The following RABGAP1L variants were observed in gnomAD, a reference collection of about 807,000 sequenced individuals.
The protein encoded by RABGAP1L is rab GTPase-activating protein 1-like.
RABGAP1L carries 63 observed loss-of-function variants against 137.7 expected under a neutral mutation model. The ratio of observed to expected loss-of-function variants is 0.46; its 90% confidence interval spans 0.37 to 0.56. The LOEUF is 0.56. Among genes scored for constraint, RABGAP1L ranks in the 20% least tolerant of loss-of-function variants. The probability of loss-of-function intolerance (pLI) is 0.00; values close to 1 mark genes in which losing one functional copy is unlikely to be tolerated. For missense variants in RABGAP1L, 1,095 were observed against 1,244.0 expected, an observed-to-expected ratio of 0.88 and a Z score of 1.80; for synonymous variants, 431 against 433.7, an observed-to-expected ratio of 0.99 and a Z score of 0.08.
chr1:174,646,156 G>T (rs963033103), intron 14 of RABGAP1L, among the ~76,000 whole-genome samples: 1 of 152,066 alleles, frequency 6.6e-6, no homozygotes, highest in Non-Finnish European at 1.5e-5. Flanking sequence ...CTCCCATTCT[G>T]TAGGTTACCT....
intron 17 of RABGAP1L, among the ~76,000 whole-genome samples, chr1:174,714,856 G>A (rs1459090159): frequency 2.0e-5 from 3 of 152,040 alleles, no homozygotes; most frequent in African/African-American, 4.8e-5. Context: ...AGTATTTCTA[G>A]TGTGTGTGTA....
chr1:174,960,535 A>G (rs1668995837), intron 20 of RABGAP1L, among the ~76,000 whole-genome samples: 1 of 152,200 alleles, frequency 6.6e-6, no homozygotes, highest in Non-Finnish European at 1.5e-5. Flanking sequence ...AATCTTCTGG[A>G]ATTAGGAAGT....
intron 13 of RABGAP1L, among the ~76,000 whole-genome samples, chr1:174,407,963 A>T (rs149557906): frequency 6.6e-6 from 1 of 152,206 alleles, no homozygotes; most frequent in South Asian, 2.1e-4. Flanking sequence ...CACTCACCAC[A>T]ATAGCAACCC....
At chr1:174,945,993 A>G (rs1218527004) in intron 19 of RABGAP1L, 3 of 150,344 alleles carry the variant, frequency 2.0e-5, no homozygotes, top group Non-Finnish European at 4.4e-5. Flanking sequence ...TCCTGATTCA[A>G]CCACCCCAGA....
intron 14 of RABGAP1L, among the ~76,000 whole-genome samples, chr1:174,682,041 G>A (rs1223841843): frequency 6.6e-6 from 1 of 152,120 alleles, no homozygotes. Context: ...AGCACTTTGG[G>A]AGGCTGAGGT....
intron 19 of RABGAP1L, among the ~76,000 whole-genome samples, chr1:174,915,501 G>C (rs1032561514): frequency 6.6e-6 from 1 of 152,118 alleles, no homozygotes; most frequent in Admixed American, 6.6e-5. Context: ...TCTGTCACCA[G>C]GCTGGAATGC....
At chr1:174,907,941 A>G (rs1659387543) in intron 19 of RABGAP1L, among the ~76,000 whole-genome samples, 1 of 152,210 alleles carries the variant, frequency 6.6e-6, no homozygotes, top group African/African-American at 2.4e-5. Context: ...ACCTATCAAG[A>G]CACACATAGA....
At chr1:174,172,220 A>G (rs868366098) in intron 1 of RABGAP1L, among the ~76,000 whole-genome samples, 49 of 130,002 alleles carry the variant, frequency 3.8e-4, no homozygotes, top group South Asian at 1.3e-3. Flanking sequence ...GTGTGTGTAT[A>G]TATGCCACAA....
chr1:174,228,419 C>T (rs1042618646), intron 3 of RABGAP1L, among the ~76,000 whole-genome samples: 3 of 152,056 alleles, frequency 2.0e-5, no homozygotes, highest in East Asian at 1.9e-4. Context: ...ACTTGAACTA[C>T]GTAATCACCC....
chr1:174,437,827 G>T (rs530277648), intron 13 of RABGAP1L, among the ~76,000 whole-genome samples: 3 of 152,064 alleles, frequency 2.0e-5, no homozygotes, highest in African/African-American at 4.8e-5. Context: ...GAGAAAGGTC[G>T]GGTTACCCAC....
At chr1:174,823,606 C>T (rs1050756786) in intron 19 of RABGAP1L, among the ~76,000 whole-genome samples, 13 of 152,136 alleles carry the variant, frequency 8.5e-5, no homozygotes, top group African/African-American at 3.1e-4. Flanking sequence ...AATGAGCACA[C>T]AAGCATACAC....
intron 11 of RABGAP1L, among the ~76,000 whole-genome samples, chr1:174,341,620 T>C (rs181946441): frequency 6.6e-6 from 1 of 152,332 alleles, no homozygotes; most frequent in East Asian, 1.9e-4. Context: ...ACTTTTCCTG[T>C]CCATTAAAAT....
chr1:174,965,777 T>A (rs1223222382), intron 20 of RABGAP1L, among the ~76,000 whole-genome samples: 1 of 152,216 alleles, frequency 6.6e-6, no homozygotes, highest in Non-Finnish European at 1.5e-5. Flanking sequence ...TGCTGCTTGC[T>A]TTGCAGACAC....
intron 13 of RABGAP1L, among the ~76,000 whole-genome samples, chr1:174,429,342 C>A (rs1032203924): frequency 3.3e-5 from 5 of 152,266 alleles, no homozygotes; most frequent in African/African-American, 1.2e-4. Context: ...ATATATATAA[C>A]AGGCTTTCCC....
chr1:174,756,896 TG>T, intron 18 of RABGAP1L: 1 of 668,112 alleles, frequency 1.5e-6, no homozygotes. Flanking sequence ...GAAGCAGTCC[TG>T]GGACTGCTTG....
intron 19 of RABGAP1L, among the ~76,000 whole-genome samples, chr1:174,895,816 C>T (rs1657061149): frequency 6.6e-6 from 1 of 152,158 alleles, no homozygotes; most frequent in African/African-American, 2.4e-5. Flanking sequence ...TATATATGTG[C>T]CACATTTTCT....
At chr1:174,678,216 C>T (rs1044139328) in intron 14 of RABGAP1L, among the ~76,000 whole-genome samples, 3 of 151,986 alleles carry the variant, frequency 2.0e-5, no homozygotes, top group Non-Finnish European at 4.4e-5. Flanking sequence ...ATACGGATAG[C>T]TCTATTTCCA....
intron 19 of RABGAP1L, among the ~76,000 whole-genome samples, chr1:174,867,477 T>A (rs1651473819): frequency 6.6e-6 from 1 of 152,104 alleles, no homozygotes; most frequent in South Asian, 2.1e-4. Context: ...CCATTAGAAA[T>A]TTTAAAACTT....
intron 19 of RABGAP1L, among the ~76,000 whole-genome samples, chr1:174,940,170 C>A (rs1665621721): frequency 6.6e-6 from 1 of 152,150 alleles, no homozygotes; most frequent in Non-Finnish European, 1.5e-5. Context: ...TCTACTGTCA[C>A]CTTTTTCACA....
Sources: gnomAD v4.1 joint callset for allele counts (sites outside exome capture counted in the v4.1 genomes callset) on GRCh38, gnomAD v4.1.1 for gene constraint, MANE v1.5 for transcripts, NCBI Gene and HGNC (gene_info 2026-07-23, HGNC 2026-07-21) for gene names.